ARHGAP45: variants seen among roughly 807,000 people sequenced by gnomAD.
ARHGAP45 encodes the protein Rho GTPase activating protein 45, also known as rho GTPase-activating protein 45.
ARHGAP45 carries 56 observed loss-of-function variants against 116.1 expected under a neutral mutation model. The ratio of observed to expected loss-of-function variants is 0.48; its 90% CI spans 0.39 to 0.60. The LOEUF is 0.60. Ranked by LOEUF, ARHGAP45 falls within the 20% of genes least tolerant of loss-of-function variation. The pLI is 0.00. For missense variants in ARHGAP45, 1,622 were observed against 1,601.0 expected, an observed-to-expected ratio of 1.01 and a Z score of -0.22; for synonymous variants, 866 against 701.7, an observed-to-expected ratio of 1.23 and a Z score of -3.70.
At chr19:1,074,063 C>G in intron 6 of ARHGAP45, 41 bp from the exon 7 acceptor site, 1 of 1,604,766 alleles carries the variant, frequency 6.2e-7, no homozygotes, top group Non-Finnish European at 8.5e-7. Flanking sequence ...TGGGCCATTG[C>G]GCGGGTCGGG....
intron 22 of ARHGAP45, among the ~76,000 whole-genome samples, chr19:1,084,591 CGTGGGGCTGATGCCTT>C (rs2043546178): frequency 6.6e-6 from 1 of 152,212 alleles, no homozygotes; most frequent in African/African-American, 2.4e-5. Context: ...GTAACGTGAA[CGTGGGGCTGATGCCTT>C]GTGAGGCTCC....
In ARHGAP45 at chr19:1,069,459, G is replaced by A. The variant is rs972032662; in HGVS notation, c.421+715G>A. On this transcript the variant is annotated intron_variant, in intron 2 of 22. Transcript: ENST00000313093. The surrounding 1 kb of genome is among the most constrained non-coding windows in gnomAD (Gnocchi z 4.1). ...AACCACAGTGCCAGGGTCATGCCAG[G>A]CGCTCTGATCTGCTCCCAGCAGCCG... is the stretch of plus-strand genomic sequence containing the variant. Among the ~76,000 whole-genome samples the A allele has an allele frequency of 2.6e-5, 4 of 152,270 alleles. No individual in the cohort carries two copies. The highest frequency in any genetic ancestry group is 9.6e-5 in the African/African-American group (4 of 41,472).
chr19:1,075,185 G>A (rs764538213), intron 10 of ARHGAP45, among the ~76,000 whole-genome samples: 15 of 151,920 alleles, frequency 9.9e-5, no homozygotes, highest in Non-Finnish European at 1.9e-4. Context: ...CGGGTTGAGG[G>A]AGACTGATGG....
In ARHGAP45 at chr19:1,081,621, C is replaced by T. The variant is rs749723048; in HGVS notation, c.2262C>T (p.Gly754=). Residue 754 remains glycine, a synonymous_variant, in exon 18 of 23, where the codon GGC becomes GGT. Coordinates refer to ENST00000313093, the MANE Select transcript of ARHGAP45 (RefSeq NM_012292.5). ...AGTGCGGGCACAAGAAGCTGCAAGG[C>T]CGCCTGCAGCTGTTCGGCCAGGACT... The part of the protein sequence containing the change: ...AIQCGHKKLQ[G]RLQLFGQDFS... 3 of 1,560,856 alleles carry T rather than the reference C, an allele frequency of 1.9e-6. No individual in the cohort carries two copies. Among genetic ancestry groups the T allele is most frequent in the South Asian group, 1.2e-5 (1 of 85,578 alleles).
In ARHGAP45 at chr19:1,067,248, G is replaced by GT. The variant is rs1175765588; in HGVS notation, c.-158_-157insT. 79 of 1,379,946 alleles carry GT rather than the reference G, an allele frequency of 5.7e-5. No homozygotes were observed. The highest frequency in any genetic ancestry group is 7.4e-5 in the Non-Finnish European group (79 of 1,068,670). 85.5% of individuals were successfully genotyped at this position (1,379,946 alleles called of 1,614,324 possible). A position where few individuals can be genotyped will look rare whatever the true frequency, so the allele number is the denominator to read the frequency against. On this transcript the variant is annotated 5_prime_UTR_variant, in exon 1 of 23. Transcript: ENST00000313093. ...GCCTCCCCGAAGCCTTTTCCTGTTG[G>GT]GGGGAGGGCCCGCCAGTGACGGCCG...
In ARHGAP45 at chr19:1,068,276, C is replaced by T. The variant is rs1284356299; in HGVS notation, c.91-138C>T. 3 of 686,532 alleles carry T rather than the reference C, an allele frequency of 4.4e-6. No homozygotes were observed. In the African/African-American group the frequency reaches 5.6e-5, roughly 13 times the overall value. The allele number at this position is 686,532 out of a possible 1,614,324, so 42.5% of individuals were successfully genotyped here. On this transcript the variant is annotated intron_variant, in intron 1 of 22. Transcript: ENST00000313093. This position sits in a 1 kb window ranked among gnomAD's most constrained non-coding sequence, Gnocchi z 7.5. ...GGGGGGTACACTACCAAATCTCGGC[C>T]CTGTGACCTCTGGCCTTTGACCCCT...
intron 10 of ARHGAP45, among the ~76,000 whole-genome samples, chr19:1,076,483 CTTTT>C (rs71174343): frequency 2.0e-3 from 133 of 64,906 alleles, no homozygotes; most frequent in Middle Eastern, 0.014. Flanking sequence ...TGGCAGTAGT[CTTTT>C]TTTTTTTTTT....
rs1486290751 is a variant in ARHGAP45, at chr19:1,085,770, C to T, written c.3175C>T (p.Gln1059Ter). ...CCACCTCAGCTTCCTGGAGCAGCAG[C>T]AGAGCGAGGCCAGCCTAGAGGTGGC... The part of the protein sequence containing the change: ...LGHLSFLEQQ[Q>*]SEASLEVASG... Residue 1059 changes from glutamine to a stop codon, truncating the protein, a stop_gained, in exon 23 of 23, where the codon CAG (glutamine) becomes TAG (stop). Transcript: ENST00000313093. LOFTEE classifies it low-confidence loss of function (END_TRUNC). 5 of 1,612,538 alleles carry T rather than the reference C, an allele frequency of 3.1e-6. No homozygotes were observed. The highest frequency in any genetic ancestry group is 1.1e-5 in the South Asian group (1 of 91,072).
chr19:1,076,393 C>T (rs1313408842), intron 10 of ARHGAP45, among the ~76,000 whole-genome samples: 1 of 151,952 alleles, frequency 6.6e-6, no homozygotes, highest in East Asian at 1.9e-4. Flanking sequence ...TAGACTCCCC[C>T]CATTCCCCTC....
upstream of ARHGAP45, chr19:1,066,023 G>T: frequency 3.3e-6 from 5 of 1,535,358 alleles, no homozygotes; most frequent in African/African-American, 1.4e-5. Context: ...AGCCCTCAGC[G>T]CCATGAGTCG....
At position 1,067,246 on chromosome 19, in the gene ARHGAP45, T is replaced by G. The variant is rs929568575; in HGVS notation, c.-160T>G. The stretch of plus-strand genomic sequence containing the variant: ...CCGCCTCCCCGAAGCCTTTTCCTGT[T>G]GGGGGGAGGGCCCGCCAGTGACGGC... On this transcript the variant is annotated 5_prime_UTR_variant, in exon 1 of 23. Coordinates refer to ENST00000313093, the MANE Select transcript of ARHGAP45 (RefSeq NM_012292.5). The G allele has an allele frequency of 2.7e-5, 37 of 1,376,598 alleles. No homozygotes were observed. The highest frequency in any genetic ancestry group is 1.5e-4 in the East Asian group (5 of 32,990). The allele number at this position is 1,376,598 out of a possible 1,614,324, so 85.3% of individuals were successfully genotyped here. A position where few individuals can be genotyped will look rare whatever the true frequency, so the allele number is the denominator to read the frequency against.
At chr19:1,083,948 C>T (rs2043521896) in intron 21 of ARHGAP45, among the ~76,000 whole-genome samples, 1 of 152,168 alleles carries the variant, frequency 6.6e-6, no homozygotes, top group Non-Finnish European at 1.5e-5. Context: ...ACTTTGTTGG[C>T]CAGGCTGGTC....
intron 10 of ARHGAP45, among the ~76,000 whole-genome samples, chr19:1,076,730 C>T (rs2043259117): frequency 6.6e-6 from 1 of 151,930 alleles, no homozygotes; most frequent in Non-Finnish European, 1.5e-5. Context: ...CTCCTGACCT[C>T]AGGTAATCTG....
At position 1,071,992 on chromosome 19, in the gene ARHGAP45, T is replaced by G. The variant is rs903332623; in HGVS notation, c.422-1157T>G. Among the ~76,000 whole-genome samples, 1 of 152,128 alleles carries G rather than the reference T, an allele frequency of 6.6e-6. No individual in the cohort carries two copies. Among genetic ancestry groups the G allele is most frequent in the African/African-American group, 2.4e-5 (1 of 41,398 alleles). On this transcript the variant is annotated intron_variant, in intron 2 of 22. Coordinates refer to ENST00000313093, the MANE Select transcript of ARHGAP45 (RefSeq NM_012292.5). The surrounding 1 kb of genome is among the most constrained non-coding windows in gnomAD (Gnocchi z 4.6). ...CGTGGTGTGTGCCTGGCTCTCGATG[T>G]TTCGCCTGTACTCTCTGCTTTTTTC...
intron 2 of ARHGAP45, among the ~76,000 whole-genome samples, chr19:1,072,044 C>T (rs1360767959): frequency 7.0e-6 from 1 of 142,768 alleles, no homozygotes; most frequent in African/African-American, 2.5e-5. Context: ...TCTTTTCTTT[C>T]CTTTTCTTTC....
At chr19:1,077,833 G>A in intron 10 of ARHGAP45, 24 bp from the exon 11 acceptor site, 1 of 1,551,218 alleles carries the variant, frequency 6.4e-7, no homozygotes, top group Non-Finnish European at 8.7e-7. Flanking sequence ...GTTGGAACTG[G>A]CCTCCTGGCT....
At position 1,083,137 on chromosome 19, in the gene ARHGAP45, C is replaced by T. The variant is rs1452356147; in HGVS notation, c.2745-6C>T. ...GCTCAGCACCTGGCCCCTGCCCACCCCGCAGGATCGTGGAGGTGGAGCAGG... is the reference window on the plus strand; with the variant it reads ...GCTCAGCACCTGGCCCCTGCCCACCTCGCAGGATCGTGGAGGTGGAGCAGG... On this transcript the variant is annotated splice_region_variant and splice_polypyrimidine_tract_variant and intron_variant, in intron 20 of 22. Coordinates refer to ENST00000313093, the MANE Select transcript of ARHGAP45 (RefSeq NM_012292.5). The T allele has an allele frequency of 2.5e-6, 4 of 1,603,508 alleles. No individual in the cohort carries two copies. In the East Asian group the frequency reaches 6.7e-5, roughly 27 times the overall value.
At position 1,083,269 on chromosome 19, in the gene ARHGAP45, C is replaced by T. The variant is rs1187370675; in HGVS notation, c.2871C>T (p.Pro957=). The T allele has an allele frequency of 6.3e-7, 1 of 1,598,120 alleles. No homozygotes were observed. The highest frequency in any genetic ancestry group is 8.5e-7 in the Non-Finnish European group (1 of 1,172,386). ...TVSLSSLVDY[P]HQARVIETLI... is the part of the protein sequence containing the mutation. ...CCCTCTCCTCCCTGGTGGATTATCC[C>T]CATCAGGCCCGCGTCATCGAGACTC... The change falls in exon 21 of 23, where the codon CCC becomes CCT. Residue 957 remains proline, a synonymous_variant. Coordinates refer to ENST00000313093, the MANE Select transcript of ARHGAP45 (RefSeq NM_012292.5).
chr19:1,072,744 C>G (rs2043162700), intron 2 of ARHGAP45, among the ~76,000 whole-genome samples: 1 of 152,218 alleles, frequency 6.6e-6, no homozygotes, highest in Non-Finnish European at 1.5e-5. Flanking sequence ...CCTCTCTATG[C>G]CTCAGTTTCC....
Sources: gnomAD v4.1 joint callset for allele counts (sites outside exome capture counted in the v4.1 genomes callset) on GRCh38, gnomAD v4.1.1 for gene constraint, Gnocchi (gnomAD v3.1) non-coding constraint, MANE v1.5 for transcripts, NCBI Gene and HGNC (gene_info 2026-07-23, HGNC 2026-07-21) for gene names.